CRB1: variants seen among roughly 807,000 people sequenced by gnomAD.
CRB1 encodes the protein crumbs cell polarity complex component 1, also known as protein crumbs homolog 1.
Under a neutral mutation model 120.0 loss-of-function variants are expected in CRB1, and 83 were observed. The ratio of observed to expected loss-of-function variants is 0.69; its 90% confidence interval spans 0.58 to 0.83. CRB1 has a LOEUF of 0.83. CRB1 is among the 40% of genes least tolerant of loss of function. The pLI, the probability that CRB1 is intolerant of heterozygous loss-of-function variation, is 0.00. For synonymous variants in CRB1, 625 were observed against 612.5 expected, an observed-to-expected ratio of 1.02 and a Z score of -0.30; for missense variants, 1,699 against 1,687.6, an observed-to-expected ratio of 1.01 and a Z score of -0.12.
intron 1 of CRB1, among the ~76,000 whole-genome samples, chr1:197,299,900 G>A (rs1196900554): frequency 1.3e-5 from 2 of 151,290 alleles, no homozygotes; most frequent in Non-Finnish European, 2.9e-5. Flanking sequence ...TTTGTGTCTC[G>A]GTGTCACATT....
At chr1:197,263,833 CTATT>C (rs1236369700), upstream of CRB1, among the ~76,000 whole-genome samples, 1 of 151,884 alleles carries the variant, frequency 6.6e-6, no homozygotes, top group African/African-American at 2.4e-5. Flanking sequence ...GTGTCATCTA[CTATT>C]TATTAGTTAA....
chr1:197,264,093 A>G (rs1189914942), upstream of CRB1, among the ~76,000 whole-genome samples: 1 of 152,186 alleles, frequency 6.6e-6, no homozygotes, highest in East Asian at 1.9e-4. Flanking sequence ...CATTATACCC[A>G]TTAAGTAACT....
intron 11 of CRB1, among the ~76,000 whole-genome samples, chr1:197,447,810 C>T (rs560995261): frequency 6.7e-6 from 1 of 148,492 alleles, no homozygotes; most frequent in South Asian, 2.1e-4. Flanking sequence ...GCCATGATGG[C>T]ACCACTGCAC....
At chr1:197,392,264 TACAC>T (rs368565238) in intron 5 of CRB1, among the ~76,000 whole-genome samples, 87 of 151,328 alleles carry the variant, frequency 5.7e-4, no homozygotes, top group African/African-American at 2.1e-3. Context: ...CACACACACA[TACAC>T]ACACACACAT....
chr1:197,281,559 T>G (rs1052341405), intron 1 of CRB1, among the ~76,000 whole-genome samples: 1 of 151,718 alleles, frequency 6.6e-6, no homozygotes, highest in Non-Finnish European at 1.5e-5. Context: ...ATGCTCAGAC[T>G]TGGCCAGAAT....
At chr1:197,359,535 G>A (rs1184547447) in intron 5 of CRB1, among the ~76,000 whole-genome samples, 10 of 152,070 alleles carry the variant, frequency 6.6e-5, no homozygotes, top group South Asian at 4.1e-4. Flanking sequence ...CATAACAGCC[G>A]CTGAATAAAG....
chr1:197,424,753 C>T (rs918653659), intron 6 of CRB1, among the ~76,000 whole-genome samples: 2 of 152,184 alleles, frequency 1.3e-5, no homozygotes, highest in African/African-American at 2.4e-5. Context: ...ACATTTAGAT[C>T]GAAGTGGCTC....
Position 197,429,111 on chromosome 1 carries a change from A to G in CRB1, c.2677-338A>G, listed in dbSNP as rs1405632069. 10 of 1,528,572 alleles carry G rather than the reference A, an allele frequency of 6.5e-6. No individual in the cohort carries two copies. In the African/African-American group the frequency reaches 1.4e-4, roughly 21 times the overall value. The allele number at this position is 1,528,572 out of a possible 1,614,324, so 94.7% of individuals were successfully genotyped here. ...TTTTATCATCTATAAAACCAGGAGT[A>G]AGAATCCCTTCCTCAAATGATAATT... On this transcript the variant is annotated intron_variant, in intron 7 of 11. Transcript: ENST00000367400.
At chr1:197,286,615 T>G (rs563557030) in intron 1 of CRB1, among the ~76,000 whole-genome samples, 69 of 151,768 alleles carry the variant, frequency 4.5e-4, no homozygotes, top group African/African-American at 1.4e-3. Context: ...GAAACATGAA[T>G]TTTGAAATAC....
At chr1:197,203,505 A>G in the CRB1 span, among the ~76,000 whole-genome samples, 2 of 151,960 alleles carry the variant, frequency 1.3e-5, no homozygotes, top group Admixed American at 6.6e-5. Flanking sequence ...TTGTATTTTT[A>G]GTAGAGAGGG....
chr1:197,357,959 G>A (rs1660577844), intron 5 of CRB1: 1 of 152,148 alleles, frequency 6.6e-6, no homozygotes, highest in South Asian at 2.1e-4. Flanking sequence ...CAGGAAAGTG[G>A]TATTTTCCCT....
intron 5 of CRB1, among the ~76,000 whole-genome samples, chr1:197,411,486 T>C (rs1194507551): frequency 6.6e-6 from 1 of 152,226 alleles, no homozygotes; most frequent in Non-Finnish European, 1.5e-5. Context: ...TTTTGTGGTT[T>C]CTTCACCTCA....
the CRB1 span, among the ~76,000 whole-genome samples, chr1:197,236,188 T>C: frequency 2.3e-5 from 3 of 132,712 alleles, no homozygotes; most frequent in South Asian, 5.1e-4. Context: ...TGTATGGCTT[T>C]TATTTCCTTT....
intron 11 of CRB1, among the ~76,000 whole-genome samples, chr1:197,458,105 G>A (rs1213105202): frequency 1.3e-5 from 2 of 151,998 alleles, no homozygotes; most frequent in African/African-American, 4.8e-5. Context: ...TAGACAAAAG[G>A]GAAGAAAGGA....
rs369281031 is a variant in CRB1 at position 197,446,189 on chromosome 1, C to A, written c.4005+3897C>A. 1.1e-3 allele frequency among the ~76,000 whole-genome samples: 159 copies of A among 143,108 alleles called. 1 individual carries two copies. Among genetic ancestry groups the A allele is most frequent in the Admixed American group, 1.4e-3 (20 of 14,476 alleles). 93.9% of individuals were successfully genotyped at this position (143,108 alleles called of 152,430 possible). A position where few individuals can be genotyped will look rare whatever the true frequency, so the allele number is the denominator to read the frequency against. ...TGGGTGACAGAGTGAGACTTTGTCTCAAAAAAAAAAAAATGTGATTAAACA... is the reference window on the plus strand; with the variant it reads ...TGGGTGACAGAGTGAGACTTTGTCTAAAAAAAAAAAAAATGTGATTAAACA... On this transcript the variant is annotated intron_variant, in intron 11 of 11. Transcript: ENST00000367400.
intron 1 of CRB1, among the ~76,000 whole-genome samples, chr1:197,320,595 A>T (rs1447372265): frequency 2.6e-5 from 4 of 152,168 alleles, no homozygotes; most frequent in Non-Finnish European, 4.4e-5. Flanking sequence ...GGCAGGAAAT[A>T]ATTTTTCAAG....
chr1:197,414,681 A>G (rs973259821), intron 5 of CRB1, among the ~76,000 whole-genome samples: 3 of 152,196 alleles, frequency 2.0e-5, no homozygotes, highest in African/African-American at 4.8e-5. Flanking sequence ...CAACTAAAAT[A>G]CCCAATTAAG....
At chr1:197,337,816 TATTTTA>T (rs1659241996) in intron 2 of CRB1, among the ~76,000 whole-genome samples, 2 of 152,258 alleles carry the variant, frequency 1.3e-5, no homozygotes, top group African/African-American at 4.8e-5. Context: ...TAAAGTGTAA[TATTTTA>T]ATATGTGTAG....
chr1:197,280,989 C>T (rs1365811646), intron 1 of CRB1, among the ~76,000 whole-genome samples: 2 of 151,838 alleles, frequency 1.3e-5, no homozygotes, highest in Non-Finnish European at 2.9e-5. Flanking sequence ...TTCTGTGCTA[C>T]AACTCCTGAT....
Sources: gnomAD v4.1 joint callset for allele counts (sites outside exome capture counted in the v4.1 genomes callset) on GRCh38, gnomAD v4.1.1 for gene constraint, MANE v1.5 for transcripts, NCBI Gene and HGNC (gene_info 2026-07-23, HGNC 2026-07-21) for gene names.